CSMD1: variants seen among roughly 807,000 people sequenced by gnomAD.
CSMD1 encodes the protein CUB and sushi domain-containing protein 1.
In CSMD1, 213 loss-of-function variants were observed where a neutral mutation model predicts 417.5. The observed-to-expected ratio is 0.51, with a 90% CI of 0.46 to 0.57. CSMD1 has a LOEUF of 0.57. Among genes scored for constraint, CSMD1 ranks in the 20% least tolerant of loss-of-function variants. The probability of loss-of-function intolerance (pLI) is 0.00; values close to 1 mark genes in which losing one functional copy is unlikely to be tolerated. For synonymous variants in CSMD1, 2,862 were observed against 1,736.8 expected (o/e 1.65, Z -16.11); for missense variants, 6,923 against 4,529.7 (o/e 1.53, Z -15.17).
At chr8:3,235,962 G>T (rs568823925) in intron 26 of CSMD1, among the ~76,000 whole-genome samples, 25 of 126,228 alleles carry the variant, frequency 2.0e-4, no homozygotes, top group Admixed American at 1.7e-3. Flanking sequence ...CTGTCGCCCA[G>T]GCTGGAGTGC....
chr8:4,566,614 C>A (rs1051888498), intron 2 of CSMD1, among the ~76,000 whole-genome samples: 12 of 126,826 alleles, frequency 9.5e-5, no homozygotes, highest in Non-Finnish European at 1.7e-4. Flanking sequence ...GATCGCACCA[C>A]TGCACTCCAG....
intron 25 of CSMD1, among the ~76,000 whole-genome samples, chr8:3,296,282 C>A (rs1237874247): frequency 6.6e-6 from 1 of 151,506 alleles, no homozygotes; most frequent in Non-Finnish European, 1.5e-5. Flanking sequence ...AGAATTCAGC[C>A]AAGCAGAAGC....
chr8:4,672,755 C>G (rs1343501361), intron 1 of CSMD1, among the ~76,000 whole-genome samples: 1 of 152,052 alleles, frequency 6.6e-6, no homozygotes, highest in Admixed American at 6.6e-5. Context: ...AGTGACATAC[C>G]CAGTCACATG....
chr8:3,554,167 C>A (rs564064913), intron 10 of CSMD1, among the ~76,000 whole-genome samples: 1 of 152,206 alleles, frequency 6.6e-6, no homozygotes, highest in African/African-American at 2.4e-5. Context: ...AGAAGGTAGA[C>A]AAGAAGAAGT....
In CSMD1 at chr8:3,220,132, G is replaced by C. The variant is rs560600483; in HGVS notation, c.4485-690C>G. Among the ~76,000 whole-genome samples, 4 of 121,380 alleles carry C rather than the reference G, an allele frequency of 3.3e-5. No homozygotes were observed. In the East Asian group the frequency reaches 7.9e-4, roughly 24 times the overall value. 79.6% of individuals were successfully genotyped at this position (121,380 alleles called of 152,430 possible). ...TGCACCCATGCACTCCACCCTGAGA[G>C]ACAGAACAAGACCCTGTCAAAAAAA... is the stretch of plus-strand genomic sequence containing the variant. On this transcript the variant is annotated intron_variant, in intron 28 of 69. Coordinates refer to ENST00000635120, the MANE Select transcript of CSMD1 (RefSeq NM_033225.6).
At chr8:4,763,182 A>G (rs1673239) in intron 1 of CSMD1, among the ~76,000 whole-genome samples, 120,149 of 152,172 alleles carry the variant, frequency 0.79, 47,560 homozygotes, top group Admixed American at 0.84. Context: ...AACAGCTTAA[A>G]GATCTGGGGG....
chr8:3,074,419 C>A (rs994720836), intron 49 of CSMD1, among the ~76,000 whole-genome samples: 2 of 152,172 alleles, frequency 1.3e-5, no homozygotes, highest in African/African-American at 4.8e-5. Context: ...GCTGTCTACC[C>A]AGGGCGTCGG....
At chr8:4,788,061 T>C (rs1797503556) in intron 1 of CSMD1, 4 of 1,595,016 alleles carry the variant, frequency 2.5e-6, no homozygotes, top group Non-Finnish European at 2.6e-6. Flanking sequence ...AAACTTTGAG[T>C]GGGTTGCAGA....
chr8:4,828,494 G>T (rs980024828), intron 1 of CSMD1, among the ~76,000 whole-genome samples: 10 of 152,076 alleles, frequency 6.6e-5, no homozygotes, highest in African/African-American at 9.7e-5. Context: ...GTGTCTTGGG[G>T]TAAGATCCGA....
At chr8:4,464,962 C>T (rs939319916) in intron 2 of CSMD1, among the ~76,000 whole-genome samples, 3 of 152,128 alleles carry the variant, frequency 2.0e-5, no homozygotes, top group Admixed American at 2.0e-4. Flanking sequence ...TCCTCCCACT[C>T]ATGATGCCAC....
chr8:4,368,620 G>C (rs1022135729), intron 3 of CSMD1, among the ~76,000 whole-genome samples: 2 of 152,128 alleles, frequency 1.3e-5, no homozygotes, highest in African/African-American at 2.4e-5. Flanking sequence ...TGGTTGGTAG[G>C]CTTTTTATTA....
intron 3 of CSMD1, among the ~76,000 whole-genome samples, chr8:4,377,283 C>A (rs1246519908): frequency 6.6e-6 from 1 of 152,104 alleles, no homozygotes; most frequent in Admixed American, 6.6e-5. Context: ...ACAGAGAGAG[C>A]AAAAGGGAGG....
intron 16 of CSMD1, 103 bp from the exon 17 acceptor site, chr8:3,396,484 C>A: frequency 1.3e-6 from 1 of 753,812 alleles, no homozygotes; most frequent in South Asian, 2.1e-5. Flanking sequence ...TGTACGTTAA[C>A]ATGAAGAAAA....
At chr8:4,336,927 G>A (rs1040887456) in intron 3 of CSMD1, among the ~76,000 whole-genome samples, 3 of 152,056 alleles carry the variant, frequency 2.0e-5, no homozygotes, top group Non-Finnish European at 4.4e-5. Flanking sequence ...TAACAATACA[G>A]AAATTCTGTA....
intron 26 of CSMD1, among the ~76,000 whole-genome samples, chr8:3,280,051 T>C (rs1342617412): frequency 6.6e-6 from 1 of 152,150 alleles, no homozygotes; most frequent in African/African-American, 2.4e-5. Context: ...TCCGTGTTGA[T>C]CTTGGGGCAC....
intron 3 of CSMD1, among the ~76,000 whole-genome samples, chr8:4,400,031 G>GAC (rs1804542056): frequency 6.6e-6 from 1 of 152,092 alleles, no homozygotes; most frequent in Non-Finnish European, 1.5e-5. Context: ...GAGGTAGACA[G>GAC]ACACACACAT....
chr8:4,980,276 G>C (rs193095886), intron 1 of CSMD1, among the ~76,000 whole-genome samples: 10 of 152,282 alleles, frequency 6.6e-5, no homozygotes, highest in Middle Eastern at 3.4e-3. Context: ...AACTTTCCTA[G>C]CATGCTGCTC....
chr8:3,033,819 C>A (rs562789667), intron 50 of CSMD1, among the ~76,000 whole-genome samples: 3 of 152,162 alleles, frequency 2.0e-5, no homozygotes, highest in African/African-American at 7.2e-5. Context: ...AATTTGGCTT[C>A]GAGTTACCTT....
chr8:4,503,516 A>C (rs1371840201), intron 2 of CSMD1, among the ~76,000 whole-genome samples: 1 of 152,184 alleles, frequency 6.6e-6, no homozygotes, highest in Non-Finnish European at 1.5e-5. Context: ...AAGCACTCAC[A>C]CCTGAGACAC....
Sources: gnomAD v4.1 joint callset for allele counts (sites outside exome capture counted in the v4.1 genomes callset) on GRCh38, gnomAD v4.1.1 for gene constraint, MANE v1.5 for transcripts, NCBI Gene and HGNC (gene_info 2026-07-23, HGNC 2026-07-21) for gene names.